The following AKAP13 variants were observed in gnomAD, a reference collection of about 807,000 sequenced individuals.
AKAP13 encodes the protein A-kinase anchoring protein 13.
AKAP13 carries 80 observed loss-of-function variants against 264.5 expected under a neutral mutation model. The observed-to-expected ratio is 0.30, with a 90% CI of 0.25 to 0.36. The LOEUF (loss-of-function observed/expected upper bound fraction) is 0.36. Ranked by LOEUF, AKAP13 falls within the 10% of genes least tolerant of loss-of-function variation. The pLI, the probability that AKAP13 is intolerant of heterozygous loss-of-function variation, is 1.00. For synonymous variants in AKAP13, 1,380 were observed against 1,250.2 expected (o/e 1.10, Z -2.19); for missense variants, 3,712 against 3,435.2 (o/e 1.08, Z -2.01).
intron 1 of AKAP13, among the ~76,000 whole-genome samples, chr15:85,456,831 A>G (rs2074297949): frequency 6.6e-6 from 1 of 152,100 alleles, no homozygotes; most frequent in South Asian, 2.1e-4. Context: ...ACATGGGTCT[A>G]CTCATCTCAT....
chr15:85,710,114 T>C (rs2086555105), intron 18 of AKAP13, among the ~76,000 whole-genome samples: 1 of 152,228 alleles, frequency 6.6e-6, no homozygotes. Context: ...TAACTAAAAT[T>C]AGTATTTTAC....
chr15:85,689,076 T>G (rs2151627392), intron 16 of AKAP13, among the ~76,000 whole-genome samples: 1 of 152,354 alleles, frequency 6.6e-6, no homozygotes, highest in South Asian at 2.1e-4. Flanking sequence ...TAAGCTTTCC[T>G]CTTTGTAGAC....
At chr15:85,512,250 C>T (rs568779805) in intron 2 of AKAP13, among the ~76,000 whole-genome samples, 2 of 152,238 alleles carry the variant, frequency 1.3e-5, no homozygotes, top group East Asian at 1.9e-4. Flanking sequence ...ACATGTACAG[C>T]GCAGTGCACA....
chr15:85,552,840 A>G (rs535442799), intron 5 of AKAP13, among the ~76,000 whole-genome samples: 5 of 151,868 alleles, frequency 3.3e-5, no homozygotes, highest in Non-Finnish European at 5.9e-5. Flanking sequence ...TGGATTTATC[A>G]TAGTTTTTAT....
At chr15:85,438,709 C>A (rs2073459913) in intron 1 of AKAP13, among the ~76,000 whole-genome samples, 1 of 150,934 alleles carries the variant, frequency 6.6e-6, no homozygotes, top group Non-Finnish European at 1.5e-5. Context: ...GAAAAACAAG[C>A]AATGGGGAAA....
At chr15:85,484,448 C>A (rs1030957316) in intron 1 of AKAP13, among the ~76,000 whole-genome samples, 2 of 151,754 alleles carry the variant, frequency 1.3e-5, no homozygotes, top group African/African-American at 4.8e-5. Context: ...ATGGGGTGGA[C>A]CAGAGAATGA....
At chr15:85,740,450 C>G (rs1597238939) in intron 34 of AKAP13, 178 bp downstream of exon 34, 1 of 633,370 alleles carries the variant, frequency 1.6e-6, no homozygotes. Flanking sequence ...CCTTCCAGGA[C>G]TAGAATTAGT....
At chr15:85,499,670 A>C (rs2075987166) in intron 2 of AKAP13, among the ~76,000 whole-genome samples, 1 of 151,096 alleles carries the variant, frequency 6.6e-6, no homozygotes, top group Non-Finnish European at 1.5e-5. Flanking sequence ...GCCAATCCCT[A>C]ACACATGCAT....
At chr15:85,742,029 C>T (rs1026785407) in intron 35 of AKAP13, among the ~76,000 whole-genome samples, 4 of 152,066 alleles carry the variant, frequency 2.6e-5, no homozygotes, top group African/African-American at 7.2e-5. Context: ...TGAGCAACTC[C>T]GTCTCAAAAA....
At chr15:85,564,454 A>G (rs1194908591) in intron 5 of AKAP13, among the ~76,000 whole-genome samples, 1 of 152,236 alleles carries the variant, frequency 6.6e-6, no homozygotes, top group East Asian at 1.9e-4. Context: ...AAGAACAAGG[A>G]CAGTCAATAC....
chr15:85,416,033 C>T (rs571419600), intron 1 of AKAP13, among the ~76,000 whole-genome samples: 11 of 151,968 alleles, frequency 7.2e-5, no homozygotes, highest in Non-Finnish European at 1.3e-4. Context: ...TGGGAAGATT[C>T]GAATGAAGTG....
At chr15:85,610,479 C>T (rs564494655) in intron 8 of AKAP13, among the ~76,000 whole-genome samples, 35 of 152,312 alleles carry the variant, frequency 2.3e-4, no homozygotes, top group African/African-American at 7.5e-4. Flanking sequence ...AAAGGATAGT[C>T]GTGATGCATG....
chr15:85,664,642 G>C lies in AKAP13; in HGVS notation c.4879G>C (p.Ala1627Pro). 1 of 1,614,130 alleles carries C rather than the reference G, an allele frequency of 6.2e-7. No homozygotes were observed. Among genetic ancestry groups the C allele is most frequent in the East Asian group, 2.2e-5 (1 of 44,882 alleles). The change falls in exon 13 of 37, where the codon GCC becomes CCC. Residue 1627 changes from alanine (A) to proline (P), a missense_variant. Transcript: ENST00000394518. ...ATCTCTAGAAGTAAGCTCTGCAAATGCCGAAGAGCTCAGACACCCATTCAG... is the reference window on the plus strand; with the variant it reads ...ATCTCTAGAAGTAAGCTCTGCAAATCCCGAAGAGCTCAGACACCCATTCAG... ...SSSLEVSSAN[A>P]EELRHPFSGE...
chr15:85,698,135 A>G (rs1461220988), intron 17 of AKAP13, among the ~76,000 whole-genome samples: 1 of 152,152 alleles, frequency 6.6e-6, no homozygotes, highest in Non-Finnish European at 1.5e-5. Context: ...AATATAGTAT[A>G]TTTTGTATAG....
At chr15:85,631,885 A>C (rs901013245) in intron 8 of AKAP13, among the ~76,000 whole-genome samples, 1 of 152,202 alleles carries the variant, frequency 6.6e-6, no homozygotes, top group Non-Finnish European at 1.5e-5. Context: ...AGAAATATAT[A>C]ACCATTGAAG....
At chr15:85,460,470 C>A (rs781175162) in intron 1 of AKAP13, among the ~76,000 whole-genome samples, 1 of 152,186 alleles carries the variant, frequency 6.6e-6, no homozygotes, top group Non-Finnish European at 1.5e-5. Flanking sequence ...TTCCTTGCTC[C>A]ATGTTTATTG....
chr15:85,629,762 G>A (rs989622606), intron 8 of AKAP13, among the ~76,000 whole-genome samples: 1 of 83,100 alleles, frequency 1.2e-5, no homozygotes, highest in African/African-American at 3.7e-5. Context: ...TTCCTTTACA[G>A]CCTTTTTTTT....
intron 16 of AKAP13, among the ~76,000 whole-genome samples, chr15:85,687,166 G>A (rs2084983402): frequency 6.6e-6 from 1 of 152,118 alleles, no homozygotes; most frequent in South Asian, 2.1e-4. Flanking sequence ...CCTCAGCCTA[G>A]CCTCCTTATT....
At position 85,581,692 on chromosome 15, in the gene AKAP13, C is replaced by A. The variant is rs764458601; in HGVS notation, c.3624C>A (p.Ala1208=). The change falls in exon 7 of 37, where the codon GCC becomes GCA. Residue 1208 remains alanine (A), a synonymous_variant. Coordinates refer to ENST00000394518, the MANE Select transcript of AKAP13 (RefSeq NM_007200.5). ...DMELSAHDDG[A]PAGVREVMRA... Reference sequence around the variant, plus strand: ...AGCTCTCAGCCCATGATGATGGGGCCCCAGCTGGTGTGAGGGAAGTCATGC... The same window carrying A: ...AGCTCTCAGCCCATGATGATGGGGCACCAGCTGGTGTGAGGGAAGTCATGC... The A allele has an allele frequency of 6.2e-7, 1 of 1,614,076 alleles. No homozygotes were observed. Among genetic ancestry groups the A allele is most frequent in the Admixed American group, 1.7e-5 (1 of 60,020 alleles).
Sources: allele counts gnomAD v4.1 joint callset (sites outside exome capture counted in the v4.1 genomes callset), GRCh38; gene constraint gnomAD v4.1.1; transcripts MANE v1.5; gene names NCBI Gene and HGNC (gene_info 2026-07-23, HGNC 2026-07-21).